The following CASZ1 variants were observed in gnomAD, a reference collection of about 807,000 sequenced individuals.
CASZ1 encodes zinc finger protein castor homolog 1.
In CASZ1, 28 loss-of-function variants were observed where a neutral mutation model predicts 135.2. The ratio of observed to expected loss-of-function variants is 0.21; its 90% CI spans 0.15 to 0.28. The LOEUF (loss-of-function observed/expected upper bound fraction) is 0.28, where lower values mean the gene tolerates loss of function less well. Among genes scored for constraint, CASZ1 ranks in the 10% least tolerant of loss-of-function variants. The pLI is 1.00. For missense variants in CASZ1, 2,161 were observed against 2,453.3 expected (o/e 0.88, Z 2.52); for synonymous variants, 1,068 against 1,073.4 (o/e 0.99, Z 0.10).
At chr1:10,662,753 T>C (rs1373800758) in intron 5 of CASZ1, among the ~76,000 whole-genome samples, 8 of 151,826 alleles carry the variant, frequency 5.3e-5, no homozygotes, top group Non-Finnish European at 1.0e-4. Context: ...CTCACACACC[T>C]CACAGACTCT....
Position 10,698,225 on chromosome 1 carries a change from G to A in CASZ1, c.-23-4313C>T, listed in dbSNP as rs149004687. ...CCTGTTAGCCAGCAATCTCCATTCC[G>A]AAAGAGCTTCATTTCTTTGTGAATA... On this transcript the variant is annotated intron_variant, in intron 3 of 20. Coordinates refer to ENST00000377022, the MANE Select transcript of CASZ1 (RefSeq NM_001079843.3). Among the ~76,000 whole-genome samples the A allele has an allele frequency of 4.9e-3, 747 of 152,338 alleles. 7 individuals are homozygous for A. The highest frequency in any genetic ancestry group is 0.016 in the African/African-American group (657 of 41,586).
intron 2 of CASZ1, among the ~76,000 whole-genome samples, chr1:10,738,728 G>GT (rs1315270475): frequency 1.3e-5 from 2 of 152,232 alleles, no homozygotes; most frequent in African/African-American, 4.8e-5. Flanking sequence ...AGAGGGGGAG[G>GT]AGAGGGAGGC....
In CASZ1 at chr1:10,794,518, T is replaced by C. The variant is rs2387417; in HGVS notation, c.-234+2046A>G. On this transcript the variant is annotated intron_variant, in intron 1 of 20. Transcript: ENST00000377022. This position sits in a 1 kb window ranked among gnomAD's most constrained non-coding sequence, Gnocchi z 5.6. ...TCAGGAGAGGCGCTACTGCCGCTTT[T>C]CCGGTGGGCACGCACCCGCACCCGC... Among the ~76,000 whole-genome samples, 130,003 of 151,860 alleles carry C rather than the reference T, an allele frequency of 0.86. 55,704 individuals are homozygous for C. Among genetic ancestry groups the C allele is most frequent in the East Asian group, 0.97 (4,932 of 5,070 alleles).
chr1:10,643,141 A>T lies in CASZ1; in HGVS notation c.4020+19T>A, dbSNP rs72641445. The T allele has an allele frequency of 6.4e-7, 1 of 1,574,312 alleles. No individual in the cohort carries two copies. Among genetic ancestry groups the T allele is most frequent in the Non-Finnish European group, 8.6e-7 (1 of 1,157,988 alleles). On this transcript the variant is annotated intron_variant, in intron 19 of 20. Transcript: ENST00000377022. The stretch of plus-strand genomic sequence containing the variant: ...TTCCCGCCACCCTGGCTGGGCTCTC[A>T]CCTGGGGGGGGCTCTCACCTGGGAG...
intron 2 of CASZ1, among the ~76,000 whole-genome samples, chr1:10,722,260 C>G (rs1036396348): frequency 1.3e-5 from 2 of 152,194 alleles, no homozygotes; most frequent in Non-Finnish European, 2.9e-5. Context: ...TGTTGACGGG[C>G]ACCCCATTCT....
intron 1 of CASZ1, among the ~76,000 whole-genome samples, chr1:10,779,175 C>G (rs1039210908): frequency 5.9e-5 from 9 of 152,046 alleles, no homozygotes; most frequent in Non-Finnish European, 8.8e-5. Flanking sequence ...CTGTCTCCCC[C>G]CCAGCCCCAC....
chr1:10,691,502 C>T (rs1443406972), intron 4 of CASZ1, among the ~76,000 whole-genome samples: 2 of 152,230 alleles, frequency 1.3e-5, no homozygotes, highest in East Asian at 1.9e-4. Flanking sequence ...CATGGTGGGT[C>T]CATGATGCCA....
At chr1:10,731,294 A>G (rs574988561) in intron 2 of CASZ1, among the ~76,000 whole-genome samples, 1 of 150,914 alleles carries the variant, frequency 6.6e-6, no homozygotes, top group African/African-American at 2.4e-5. Context: ...AAATAAATAA[A>G]TAATTTAGCT....
intron 4 of CASZ1, among the ~76,000 whole-genome samples, chr1:10,693,518 A>G (rs1638831767): frequency 8.1e-6 from 1 of 123,708 alleles, no homozygotes; most frequent in South Asian, 2.5e-4. Flanking sequence ...AAAAAAAAAA[A>G]AAAAAGGCAC....
rs182389787 is a variant in CASZ1, at chr1:10,698,494, A to G, written c.-23-4582T>C. On this transcript the variant is annotated intron_variant, in intron 3 of 20. Transcript: ENST00000377022. ...TCAGAGATTTTAATTACTAAATTAT[A>G]AAATTCTCCAATGCTAAATTGAAAC... Among the ~76,000 whole-genome samples, 74 of 152,366 alleles carry G rather than the reference A, an allele frequency of 4.9e-4. 1 individual carries two copies. The East Asian group carries it at 0.014, about 29-fold the overall frequency.
intron 2 of CASZ1, among the ~76,000 whole-genome samples, chr1:10,713,258 C>T (rs1200970747): frequency 6.6e-6 from 1 of 152,186 alleles, no homozygotes; most frequent in Non-Finnish European, 1.5e-5. Context: ...AATCATGTGC[C>T]GCTCCCAAGC....
rs1384127198 is a variant in CASZ1, at chr1:10,735,461, C to T, written c.-77+25240G>A. On this transcript the variant is annotated intron_variant, in intron 2 of 20. Transcript: ENST00000377022. The surrounding 1 kb of genome is among the most constrained non-coding windows in gnomAD (Gnocchi z 5.1). Reference sequence around the variant, plus strand: ...CGCCAGGGCTGCCTCCCTCTGCTCCCGCTGCCACTTGCAGGCTCAGCCAGC... The same window carrying T: ...CGCCAGGGCTGCCTCCCTCTGCTCCTGCTGCCACTTGCAGGCTCAGCCAGC... Among the ~76,000 whole-genome samples the T allele has an allele frequency of 6.6e-6, 1 of 152,090 alleles. No individual in the cohort carries two copies. The highest frequency in any genetic ancestry group is 1.5e-5 in the Non-Finnish European group (1 of 68,008).
chr1:10,761,529 C>T (rs930693734), intron 1 of CASZ1, among the ~76,000 whole-genome samples: 1 of 151,922 alleles, frequency 6.6e-6, no homozygotes, highest in Non-Finnish European at 1.5e-5. Context: ...GATTCAGTTG[C>T]GATAGGTGTT....
rs555475287 is a variant in CASZ1 at position 10,649,162 on chromosome 1, C to A, written c.3066G>T (p.Gln1022His). Residue 1022 changes from glutamine (Q) to histidine (H), a missense_variant, in exon 15 of 21, where the codon CAG (glutamine) becomes CAT (histidine). Around this residue, in one of 7 missense-constraint regions of CASZ1, gnomAD observed 349 missense variants for 460.8 expected, o/e 0.76. Transcript: ENST00000377022. ...RFGTKDFCDG[Q>H]CDFLHKAHFH... ...AGTGGGCCTTGTGGAGGAAGTCACA[C>A]TGGCCGTCACAGAAGTCCTTTGTAC... The A allele has an allele frequency of 6.8e-6, 11 of 1,613,742 alleles. No homozygotes were observed. The highest frequency in any genetic ancestry group is 5.3e-5 in the African/African-American group (4 of 75,074).
intron 4 of CASZ1, among the ~76,000 whole-genome samples, chr1:10,675,399 G>A (rs1294759943): frequency 6.6e-6 from 1 of 152,146 alleles, no homozygotes; most frequent in African/African-American, 2.4e-5. Flanking sequence ...GAAGGAATGG[G>A]GGTCCTGGGG....
In CASZ1 at chr1:10,646,072, G is replaced by A; in HGVS notation, c.3696+56C>T. ...GGTGACTGTCCTGTGCCCTGAGCTA[G>A]CCCTGCACCTCCCTGCCCCCTACTC... On this transcript the variant is annotated intron_variant, in intron 17 of 20. Coordinates refer to ENST00000377022, the MANE Select transcript of CASZ1 (RefSeq NM_001079843.3). The surrounding 1 kb of genome is among the most constrained non-coding windows in gnomAD (Gnocchi z 6.4). The A allele has an allele frequency of 6.4e-7, 1 of 1,551,342 alleles. No homozygotes were observed. Among genetic ancestry groups the A allele is most frequent in the Non-Finnish European group, 8.9e-7 (1 of 1,126,024 alleles).
rs562408845 is a variant in CASZ1 at position 10,790,904 on chromosome 1, G to A, written c.-234+5660C>T. Among the ~76,000 whole-genome samples the A allele has an allele frequency of 1.9e-4, 29 of 151,776 alleles. No homozygotes were observed. In the South Asian group the frequency reaches 5.8e-3, roughly 31 times the overall value. ...CTAGCACATTCTAAAGTTTGGGGGG[G>A]GACATCATGAGGAATCTTATTAGCA... is the stretch of plus-strand genomic sequence containing the variant. On this transcript the variant is annotated intron_variant, in intron 1 of 20. Transcript: ENST00000377022.
intron 4 of CASZ1, among the ~76,000 whole-genome samples, chr1:10,677,541 G>A (rs1050454515): frequency 2.6e-5 from 4 of 152,182 alleles, no homozygotes; most frequent in African/African-American, 9.7e-5. Context: ...TAGGTCCAAC[G>A]CACCTTGGGA....
intron 4 of CASZ1, among the ~76,000 whole-genome samples, chr1:10,684,842 C>A (rs1638535888): frequency 6.6e-6 from 1 of 152,220 alleles, no homozygotes; most frequent in Admixed American, 6.5e-5. Context: ...CAGACCTGAG[C>A]CTCTCCCATC....
Sources: allele counts gnomAD v4.1 joint callset (sites outside exome capture counted in the v4.1 genomes callset), GRCh38; gene constraint gnomAD v4.1.1; regional missense constraint gnomAD v4.1.1; non-coding constraint Gnocchi (gnomAD v3.1); transcripts MANE v1.5; gene names NCBI Gene and HGNC (gene_info 2026-07-23, HGNC 2026-07-21).